Variants in GALNT18 observed in about 807,000 individuals in gnomAD.
GALNT18 encodes GalNAc-transferase 18.
Under a neutral mutation model 69.5 loss-of-function variants are expected in GALNT18, and 44 were observed. The ratio of observed to expected loss-of-function variants is 0.63; its 90% CI spans 0.50 to 0.81. The LOEUF (loss-of-function observed/expected upper bound fraction) is 0.81, where lower values mean the gene tolerates loss of function less well. GALNT18 is among the 40% of genes least tolerant of loss of function. The pLI is 0.00. For synonymous variants in GALNT18, 364 were observed against 318.2 expected (o/e 1.14, Z -1.53); for missense variants, 715 against 810.0 (o/e 0.88, Z 1.42).
In GALNT18 at chr11:11,517,408, C is replaced by A. The variant is rs190281552; in HGVS notation, c.236-68472G>T. ...AATATCTTTTAATTGCCTGTAAGTA[C>A]AAATACTTTCTTCCTCCTGGGAAAA... is the stretch of plus-strand genomic sequence containing the variant. On this transcript the variant is annotated intron_variant, in intron 1 of 10. Transcript: ENST00000227756. Among the ~76,000 whole-genome samples the A allele has an allele frequency of 2.0e-5, 3 of 152,246 alleles. No homozygotes were observed. The East Asian group carries it at 5.8e-4, about 29-fold the overall frequency.
rs1298610348 is a variant in GALNT18, at chr11:11,590,192, G to A, written c.235+31167C>T. Among the ~76,000 whole-genome samples the A allele has an allele frequency of 6.6e-6, 1 of 152,218 alleles. No homozygotes were observed. The highest frequency in any genetic ancestry group is 2.4e-5 in the African/African-American group (1 of 41,448). On this transcript the variant is annotated intron_variant, in intron 1 of 10. Coordinates refer to ENST00000227756, the MANE Select transcript of GALNT18 (RefSeq NM_198516.3). The surrounding 1 kb of genome is among the most constrained non-coding windows in gnomAD (Gnocchi z 4.4). Reference sequence around the variant, plus strand: ...CCCTTGCAGTCAGCGGCTGCTACATGGCTGATTCTGTGAATAAAATGTGGT... The same window carrying A: ...CCCTTGCAGTCAGCGGCTGCTACATAGCTGATTCTGTGAATAAAATGTGGT...
At chr11:11,547,246 C>T (rs1330614482) in intron 1 of GALNT18, among the ~76,000 whole-genome samples, 1 of 151,826 alleles carries the variant, frequency 6.6e-6, no homozygotes, top group Non-Finnish European at 1.5e-5. Context: ...CTAGCTTCTC[C>T]TAGTTCTGGG....
rs942283579 is a variant in GALNT18, at chr11:11,511,079, G to A, written c.236-62143C>T. Among the ~76,000 whole-genome samples, 1 of 152,092 alleles carries A rather than the reference G, an allele frequency of 6.6e-6. No individual in the cohort carries two copies. Among genetic ancestry groups the A allele is most frequent in the Non-Finnish European group, 1.5e-5 (1 of 68,014 alleles). ...GACAAAGACATGCAGCCTGCCAGGT[G>A]ATGCAAGAGAGGGCCAGGCTGCAGC... On this transcript the variant is annotated intron_variant, in intron 1 of 10. Transcript: ENST00000227756. This position sits in a 1 kb window ranked among gnomAD's most constrained non-coding sequence, Gnocchi z 4.9.
At chr11:11,589,515 C>T (rs1859303448) in intron 1 of GALNT18, among the ~76,000 whole-genome samples, 1 of 152,116 alleles carries the variant, frequency 6.6e-6, no homozygotes, top group South Asian at 2.1e-4. Context: ...TGCTGTTCAG[C>T]AGTCGTGGGA....
rs1465839215 is a variant in GALNT18, at chr11:11,347,444, G to A, written c.1093-6440C>T. 6.6e-6 allele frequency among the ~76,000 whole-genome samples: 1 copy of A among 152,188 alleles called. No individual in the cohort carries two copies. The highest frequency in any genetic ancestry group is 1.5e-5 in the Non-Finnish European group (1 of 68,034). ...TGTTAATATCCTTCTGAAGCACTGT[G>A]TTGGGAAGAATTCTGAGGCTCTGTC... On this transcript the variant is annotated intron_variant, in intron 6 of 10. Coordinates refer to ENST00000227756, the MANE Select transcript of GALNT18 (RefSeq NM_198516.3). This position sits in a 1 kb window ranked among gnomAD's most constrained non-coding sequence, Gnocchi z 4.0.
At chr11:11,292,476 C>T (rs745540336) in intron 10 of GALNT18, among the ~76,000 whole-genome samples, 15 of 152,182 alleles carry the variant, frequency 9.9e-5, no homozygotes, top group Non-Finnish European at 2.1e-4. Context: ...TGCCTTTCGC[C>T]AAATGGCCCC....
At chr11:11,393,340 C>T (rs1365948345) in intron 3 of GALNT18, among the ~76,000 whole-genome samples, 1 of 152,240 alleles carries the variant, frequency 6.6e-6, no homozygotes, top group African/African-American at 2.4e-5. Flanking sequence ...AGTTTACTAA[C>T]TGCTTGAGTC....
intron 1 of GALNT18, among the ~76,000 whole-genome samples, chr11:11,507,713 G>A (rs1409149756): frequency 1.3e-5 from 2 of 152,210 alleles, no homozygotes; most frequent in Non-Finnish European, 2.9e-5. Flanking sequence ...GATGCAAAGT[G>A]CTGATCCTGG....
In GALNT18 at chr11:11,396,675, C is replaced by G. The variant is rs1854337686; in HGVS notation, c.596-17411G>C. Among the ~76,000 whole-genome samples, 3 of 152,088 alleles carry G rather than the reference C, an allele frequency of 2.0e-5. No individual in the cohort carries two copies. The highest frequency in any genetic ancestry group is 6.5e-5 in the Admixed American group (1 of 15,270). ...GCAGTAGGGATTAACGCCACCTAAT[C>G]TAAGGGTGAAAGTGTTTGGTGAGGT... On this transcript the variant is annotated intron_variant, in intron 3 of 10. Transcript: ENST00000227756. This position sits in a 1 kb window ranked among gnomAD's most constrained non-coding sequence, Gnocchi z 5.2.
intron 1 of GALNT18, among the ~76,000 whole-genome samples, chr11:11,520,837 C>T (rs4631872): frequency 0.2 from 30,893 of 152,142 alleles, 3,760 homozygotes; most frequent in Non-Finnish European, 0.25. Context: ...CAAGGCAGTC[C>T]CCTCAGCAGG....
chr11:11,579,768 C>G (rs1295796343), intron 1 of GALNT18, among the ~76,000 whole-genome samples: 1 of 152,214 alleles, frequency 6.6e-6, no homozygotes, highest in African/African-American at 2.4e-5. Flanking sequence ...TTGTATAAAT[C>G]AATGTGCTAA....
At chr11:11,522,372 G>A (rs141558201) in intron 1 of GALNT18, among the ~76,000 whole-genome samples, 2,641 of 152,290 alleles carry the variant, frequency 0.017, 74 homozygotes, top group African/African-American at 0.06. Context: ...GGCTAAGAAC[G>A]GGAATGGGGC....
intron 10 of GALNT18, among the ~76,000 whole-genome samples, chr11:11,274,558 T>A (rs1474811506): frequency 6.6e-6 from 1 of 152,210 alleles, no homozygotes; most frequent in Admixed American, 6.5e-5. Context: ...TTTAAAATTT[T>A]TTATTATTGT....
chr11:11,604,181 G>T lies in GALNT18; in HGVS notation c.235+17178C>A, dbSNP rs998941821. The stretch of plus-strand genomic sequence containing the variant: ...GTTATTAATACACCACACAGTTTAT[G>T]GTATTTTGTTATAGCAGCCCAAATA... On this transcript the variant is annotated intron_variant, in intron 1 of 10. Transcript: ENST00000227756. This position sits in a 1 kb window ranked among gnomAD's most constrained non-coding sequence, Gnocchi z 5.6. Among the ~76,000 whole-genome samples the T allele has an allele frequency of 6.6e-6, 1 of 152,140 alleles. No individual in the cohort carries two copies. Among genetic ancestry groups the T allele is most frequent in the African/African-American group, 2.4e-5 (1 of 41,424 alleles).
At chr11:11,418,691 C>T (rs936901824) in intron 3 of GALNT18, among the ~76,000 whole-genome samples, 30 of 152,154 alleles carry the variant, frequency 2.0e-4, no homozygotes, top group African/African-American at 6.8e-4. Context: ...ACTTTCTCAT[C>T]GGTCTTTGGA....
Position 11,564,089 on chromosome 11 carries a change from A to C in GALNT18, c.235+57270T>G, listed in dbSNP as rs1286109247. 1.3e-5 allele frequency among the ~76,000 whole-genome samples: 2 copies of C among 152,084 alleles called. No individual in the cohort carries two copies. Among genetic ancestry groups the C allele is most frequent in the African/African-American group, 4.8e-5 (2 of 41,330 alleles). ...GTTTAACTCTTACAAGAGCCCAGTGAGTTACGTACTGATCTTAACCCCATT... is the reference window on the plus strand; with the variant it reads ...GTTTAACTCTTACAAGAGCCCAGTGCGTTACGTACTGATCTTAACCCCATT... On this transcript the variant is annotated intron_variant, in intron 1 of 10. Transcript: ENST00000227756. This position sits in a 1 kb window ranked among gnomAD's most constrained non-coding sequence, Gnocchi z 4.3.
chr11:11,345,747 C>A (rs573559787), intron 6 of GALNT18, among the ~76,000 whole-genome samples: 1 of 151,994 alleles, frequency 6.6e-6, no homozygotes, highest in Non-Finnish European at 1.5e-5. Context: ...TAGGGAGAGA[C>A]GGCAGGTAGC....
intron 3 of GALNT18, among the ~76,000 whole-genome samples, chr11:11,428,278 G>A (rs931326175): frequency 9.9e-5 from 15 of 152,240 alleles, no homozygotes; most frequent in Admixed American, 5.9e-4. Context: ...GAGGGGCCAC[G>A]TCCTCCAGGA....
At chr11:11,418,302 A>G (rs1854913787) in intron 3 of GALNT18, among the ~76,000 whole-genome samples, 1 of 152,230 alleles carries the variant, frequency 6.6e-6, no homozygotes, top group Admixed American at 6.5e-5. Context: ...TTCCTCATCT[A>G]TGAGATGGGG....
Sources: gnomAD v4.1 joint callset for allele counts (sites outside exome capture counted in the v4.1 genomes callset) on GRCh38, gnomAD v4.1.1 for gene constraint, Gnocchi (gnomAD v3.1) non-coding constraint, MANE v1.5 for transcripts, NCBI Gene and HGNC (gene_info 2026-07-23, HGNC 2026-07-21) for gene names.